Variants in EBF4 observed in about 807,000 individuals in gnomAD.
The protein encoded by EBF4 is EBF transcription factor 4, also known as transcription factor COE4.
In EBF4, 34 loss-of-function variants were observed where a neutral mutation model predicts 67.1. That is an observed-to-expected ratio of 0.51 (90% CI 0.39 to 0.67). The LOEUF (loss-of-function observed/expected upper bound fraction) is 0.67, where lower values mean the gene tolerates loss of function less well. Among genes scored for constraint, EBF4 ranks in the 30% least tolerant of loss-of-function variants. The pLI is 0.00. For synonymous variants in EBF4, 387 were observed against 377.7 expected, an observed-to-expected ratio of 1.02 and a Z score of -0.29; for missense variants, 837 against 873.3, an observed-to-expected ratio of 0.96 and a Z score of 0.52.
At chr20:2,759,078 C>A in intron 16 of EBF4, 94 bp downstream of exon 16, 1 of 1,198,056 alleles carries the variant, frequency 8.3e-7, no homozygotes, top group Non-Finnish European at 1.2e-6. Context: ...CAAGCCTCCC[C>A]GCTAGCAGCC....
At chr20:2,702,470 G>A (rs2087390781) in intron 1 of EBF4, among the ~76,000 whole-genome samples, 1 of 151,642 alleles carries the variant, frequency 6.6e-6, no homozygotes, top group South Asian at 2.1e-4. Flanking sequence ...CCCTCATCTT[G>A]ATCAGGGACA....
intron 1 of EBF4, among the ~76,000 whole-genome samples, chr20:2,697,209 C>G (rs867505828): frequency 6.6e-6 from 1 of 152,032 alleles, no homozygotes; most frequent in Non-Finnish European, 1.5e-5. Context: ...CTAAGATCAG[C>G]GAGGGAGGCT....
intron 6 of EBF4, among the ~76,000 whole-genome samples, chr20:2,738,723 T>C (rs2087924736): frequency 6.6e-6 from 1 of 152,136 alleles, no homozygotes; most frequent in African/African-American, 2.4e-5. Context: ...TGCCCAGCCC[T>C]GAGGTTTGGA....
chr20:2,737,250 C>CAAA (rs777580766), intron 6 of EBF4, among the ~76,000 whole-genome samples: 10,827 of 114,512 alleles, frequency 0.095, 568 homozygotes, highest in East Asian at 0.18. Context: ...AACTCCGTCT[C>CAAA]AAAAAAAAAA....
intron 6 of EBF4, among the ~76,000 whole-genome samples, chr20:2,726,134 C>T (rs923473152): frequency 2.0e-5 from 3 of 152,132 alleles, no homozygotes; most frequent in Non-Finnish European, 4.4e-5. Context: ...ATCTTTCTTC[C>T]ATCAATTGGA....
rs531707367 is a variant in EBF4 at position 2,747,350 on chromosome 20, A to G, written c.558-1199A>G. ...AAAAAACAGGAAAAAAAAGAGTACA[A>G]CAGCCAGAATGTTGTCCATGGCTAC... On this transcript the variant is annotated intron_variant, in intron 6 of 16. Coordinates refer to ENST00000609451, the Ensembl canonical transcript of EBF4. This position sits in a 1 kb window ranked among gnomAD's most constrained non-coding sequence, Gnocchi z 4.6. 2.8e-4 allele frequency among the ~76,000 whole-genome samples: 43 copies of G among 152,072 alleles called. No individual in the cohort carries two copies. Among genetic ancestry groups the G allele is most frequent in the African/African-American group, 8.7e-4 (36 of 41,506 alleles).
rs2087930056 is a variant in EBF4 at position 2,739,036 on chromosome 20, G to C, written c.558-9513G>C. ...GGCCTGGCAGGTGGCTGTGGCCCTGGGGACAGTCTATCTTGGCTTCTACCG... is the reference window on the plus strand; with the variant it reads ...GGCCTGGCAGGTGGCTGTGGCCCTGCGGACAGTCTATCTTGGCTTCTACCG... On this transcript the variant is annotated intron_variant, in intron 6 of 16. Transcript: ENST00000609451. The surrounding 1 kb of genome is among the most constrained non-coding windows in gnomAD (Gnocchi z 4.5). Among the ~76,000 whole-genome samples, 1 of 152,162 alleles carries C rather than the reference G, an allele frequency of 6.6e-6. No homozygotes were observed. Among genetic ancestry groups the C allele is most frequent in the African/African-American group, 2.4e-5 (1 of 41,438 alleles).
intron 6 of EBF4, among the ~76,000 whole-genome samples, chr20:2,741,259 C>T (rs2087964430): frequency 6.6e-6 from 1 of 152,022 alleles, no homozygotes; most frequent in South Asian, 2.1e-4. Flanking sequence ...CTGCAGTGAG[C>T]CAAGATCACA....
intron 6 of EBF4, among the ~76,000 whole-genome samples, chr20:2,718,318 G>C (rs1010519627): frequency 3.3e-5 from 5 of 152,126 alleles, no homozygotes; most frequent in African/African-American, 1.2e-4. Context: ...TGATTGGGAA[G>C]CATTTCCTTC....
chr20:2,718,300 A>G (rs758502648), intron 6 of EBF4, among the ~76,000 whole-genome samples: 1 of 152,110 alleles, frequency 6.6e-6, no homozygotes, highest in African/African-American at 2.4e-5. Flanking sequence ...TGCTGGCCTC[A>G]TTTGAATTGA....
chr20:2,743,982 C>T (rs1326568297), intron 6 of EBF4, among the ~76,000 whole-genome samples: 1 of 152,112 alleles, frequency 6.6e-6, no homozygotes, highest in Non-Finnish European at 1.5e-5. Context: ...CCCTATAACC[C>T]ACTTCTCTTC....
chr20:2,759,541 G>C (rs1348546959), downstream of EBF4: 1 of 158,944 alleles, frequency 6.3e-6, no homozygotes, highest in Non-Finnish European at 1.4e-5. Flanking sequence ...GGGATTCTGG[G>C]CCTCACTGTC....
exon 8 of EBF4, chr20:2,749,515 G>A (rs1170065177): frequency 6.5e-7 from 1 of 1,546,012 alleles, no homozygotes; most frequent in Middle Eastern, 1.8e-4. Flanking sequence ...GGACCCCTCC[G>A]AAGGTCAGGA....
Position 2,755,640 on chromosome 20 carries a change from C to T in EBF4, c.1554C>T (p.Ser518=), listed in dbSNP as rs2088230233. The change falls in exon 15 of 17, where the codon AGC becomes AGT. Residue 518 remains serine (S), a synonymous_variant. Transcript: ENST00000609451. The surrounding 1 kb of genome is among the most constrained non-coding windows in gnomAD (Gnocchi z 4.7). ...CCCGCCCCGGAGTCATGCCCTCTAG[C>T]CCCCCGCTGGCGGCTGCCTCCTCCA... 4.0e-6 allele frequency: 6 copies of T among 1,504,420 alleles called. No individual in the cohort carries two copies. The highest frequency in any genetic ancestry group is 5.4e-6 in the Non-Finnish European group (6 of 1,111,420). 93.2% of individuals were successfully genotyped at this position (1,504,420 alleles called of 1,614,324 possible). A position where few individuals can be genotyped will look rare whatever the true frequency, so the allele number is the denominator to read the frequency against.
At chr20:2,736,982 G>T (rs1015538860) in intron 6 of EBF4, among the ~76,000 whole-genome samples, 4 of 152,090 alleles carry the variant, frequency 2.6e-5, no homozygotes, top group Non-Finnish European at 5.9e-5. Flanking sequence ...GGGCGCGGTG[G>T]CTCACGCTTG....
rs899632841 is a variant in EBF4, at chr20:2,693,657, G to A, written c.12G>A (p.Ala4=). The A allele has an allele frequency of 3.5e-6, 5 of 1,445,590 alleles. No homozygotes were observed. The highest frequency in any genetic ancestry group is 4.5e-6 in the Non-Finnish European group (5 of 1,106,310). The allele number at this position is 1,445,590 out of a possible 1,614,324, so 89.5% of individuals were successfully genotyped here. ...CACCGCGCGCCCTCATGTTCCCTGC[G>A]CAGGACGCTCTGCCCCGCAGCGGGC... Residue 4 remains alanine (A), a synonymous_variant, in exon 1 of 17, where the codon GCG becomes GCA. Coordinates refer to ENST00000609451, the Ensembl canonical transcript of EBF4. The surrounding 1 kb of genome is among the most constrained non-coding windows in gnomAD (Gnocchi z 4.6).
intron 15 of EBF4, among the ~76,000 whole-genome samples, chr20:2,758,219 C>T (rs576783318): frequency 1.5e-3 from 232 of 152,326 alleles, no homozygotes; most frequent in African/African-American, 5.1e-3. Context: ...AGTGAACATC[C>T]ATCCAACCGA....
At chr20:2,716,682 A>AT (rs2087615393) in intron 6 of EBF4, among the ~76,000 whole-genome samples, 1 of 152,160 alleles carries the variant, frequency 6.6e-6, no homozygotes, top group Non-Finnish European at 1.5e-5. Flanking sequence ...CAATGTAATT[A>AT]TTTTTTACTT....
At chr20:2,701,422 G>A (rs996703054) in intron 1 of EBF4, among the ~76,000 whole-genome samples, 18 of 152,214 alleles carry the variant, frequency 1.2e-4, no homozygotes, top group Non-Finnish European at 2.6e-4. Context: ...CTGCAGGGAT[G>A]CTGAGCCCTG....
Sources: allele counts gnomAD v4.1 joint callset (sites outside exome capture counted in the v4.1 genomes callset), GRCh38; gene constraint gnomAD v4.1.1; non-coding constraint Gnocchi (gnomAD v3.1); transcripts MANE v1.5; gene names NCBI Gene and HGNC (gene_info 2026-07-23, HGNC 2026-07-21).